The following SMS variants were observed in gnomAD, a reference collection of about 807,000 sequenced individuals.
SMS encodes the protein spermine synthase, also known as spermidine aminopropyltransferase.
A neutral mutation model predicts 33.0 loss-of-function variants in SMS; 3 were observed. The ratio of observed to expected loss-of-function variants is 0.09; its 90% CI spans 0.04 to 0.23. SMS has a LOEUF of 0.23. Ranked by LOEUF, SMS falls within the 10% of genes least tolerant of loss-of-function variation. SMS has a pLI of 1.00. For synonymous variants in SMS, 103 were observed against 112.2 expected (o/e 0.92, Z 0.52); for missense variants, 117 against 288.6 (o/e 0.41, Z 4.31).
At chrX:21,959,923 G>A (rs1345450883) in intron 1 of SMS, 5 of 752,941 alleles carry the variant, frequency 6.6e-6, no homozygotes, top group Admixed American at 1.7e-4. Context: ...TCCCTGAAAG[G>A]AGCAGGCAAG....
chrX:21,948,148 C>T (rs1453852302), intron 1 of SMS, among the ~76,000 whole-genome samples: 1 of 111,525 alleles, frequency 9.0e-6, no homozygotes, highest in Non-Finnish European at 1.9e-5. Flanking sequence ...CACAATGATT[C>T]TTTTTAGATT....
At chrX:21,976,437 T>A (rs1382508222) in intron 4 of SMS, among the ~76,000 whole-genome samples, 1 of 111,360 alleles carries the variant, frequency 9.0e-6, no homozygotes, top group Non-Finnish European at 1.9e-5. Context: ...GTGTAATATA[T>A]GTCAACCTGA....
intron 7 of SMS, among the ~76,000 whole-genome samples, chrX:21,983,133 G>A (rs905708974): frequency 2.7e-5 from 3 of 110,974 alleles, no homozygotes; most frequent in Admixed American, 9.6e-5. Context: ...TCAAACTCCC[G>A]GGCTCAAGCG....
intron 1 of SMS, among the ~76,000 whole-genome samples, chrX:21,963,460 G>A (rs1322552418): frequency 8.9e-6 from 1 of 112,550 alleles, no homozygotes; most frequent in East Asian, 2.8e-4. Context: ...TGAACTTGGC[G>A]GGTAAGCCTA....
chrX:21,940,710 G>C lies in SMS; in HGVS notation c.-115G>C, dbSNP rs899439971. 3 of 580,275 alleles carry C rather than the reference G, an allele frequency of 5.2e-6. No individual in the cohort carries two copies. The highest frequency in any genetic ancestry group is 7.8e-6 in the Non-Finnish European group (3 of 386,654). 47.8% of individuals were successfully genotyped at this position (580,275 alleles called of 1,213,427 possible). A position where few individuals can be genotyped will look rare whatever the true frequency, so the allele number is the denominator to read the frequency against. On this transcript the variant is annotated 5_prime_UTR_variant, in exon 1 of 11. Coordinates refer to ENST00000404933, the MANE Select transcript of SMS (RefSeq NM_004595.5). ...TCCCGGCGGCCCCTCCCACCTCCTA[G>C]TCCTGGCCTCCCCGGGCGCAGCACA...
chrX:21,981,680 C>T (rs888431133), intron 7 of SMS, among the ~76,000 whole-genome samples: 2 of 111,394 alleles, frequency 1.8e-5, no homozygotes, highest in Non-Finnish European at 3.8e-5. Flanking sequence ...TGTGTGATGC[C>T]GGTATAAGAA....
intron 1 of SMS, among the ~76,000 whole-genome samples, chrX:21,966,710 A>G (rs938384004): frequency 5.4e-5 from 6 of 112,009 alleles, no homozygotes; most frequent in Middle Eastern, 9.1e-3. Context: ...AAACATGGGG[A>G]AAAAAAAGCT....
chrX:21,945,634 T>TCCCC (rs376720187), intron 1 of SMS, among the ~76,000 whole-genome samples: 10 of 34,152 alleles, frequency 2.9e-4, no homozygotes, highest in East Asian at 1.3e-3. Context: ...TTGCTTCCCG[T>TCCCC]CCCCCCCCCC....
chrX:21,970,625 G>C (rs1316722317), intron 2 of SMS, among the ~76,000 whole-genome samples: 2 of 110,252 alleles, frequency 1.8e-5, no homozygotes, highest in Non-Finnish European at 3.8e-5. Context: ...CTGGAGTGCA[G>C]TGGTGCGATC....
At chrX:21,980,715 A>T (rs1285907121) in intron 7 of SMS, among the ~76,000 whole-genome samples, 1 of 110,854 alleles carries the variant, frequency 9.0e-6, no homozygotes, top group Admixed American at 9.7e-5. Context: ...AGATGAAAAC[A>T]GTATAAATCT....
chrX:21,966,464 A>G (rs1923728756), intron 1 of SMS, among the ~76,000 whole-genome samples: 1 of 111,475 alleles, frequency 9.0e-6, no homozygotes, highest in African/African-American at 3.3e-5. Context: ...GAACCTGCGG[A>G]GGTTAATGTA....
chrX:21,984,615 T>A (rs1459712693), intron 8 of SMS, among the ~76,000 whole-genome samples, 197 bp downstream of exon 8: 1 of 111,927 alleles, frequency 8.9e-6, no homozygotes, highest in Non-Finnish European at 1.9e-5. Flanking sequence ...ATTCAGTCAT[T>A]TGAAACAAAA....
intron 9 of SMS, among the ~76,000 whole-genome samples, chrX:21,988,058 A>G (rs1487975954): frequency 1.8e-5 from 2 of 112,486 alleles, no homozygotes; most frequent in East Asian, 5.6e-4. Context: ...AGAATTGTCC[A>G]AAAGACATAT....
chrX:21,972,103 C>G (rs973105207), intron 3 of SMS, 113 bp downstream of exon 3: 4 of 565,178 alleles, frequency 7.1e-6, no homozygotes, highest in African/African-American at 6.8e-5. Context: ...TTAAACTTTC[C>G]TCCCTCCACA....
chrX:21,991,903 G>C (rs1029737211), intron 9 of SMS, among the ~76,000 whole-genome samples: 1 of 111,531 alleles, frequency 9.0e-6, no homozygotes, highest in African/African-American at 3.3e-5. Context: ...CTCTTTCTTT[G>C]TTCAGAATCA....
intron 7 of SMS, 38 bp from the exon 8 acceptor site, chrX:21,984,266 A>G (rs776978955): frequency 2.4e-5 from 20 of 839,190 alleles, no homozygotes; most frequent in Non-Finnish European, 3.4e-5. Context: ...CTACATCCAC[A>G]TGTTGGCTCA....
rs1457674309 is a variant in SMS at position 21,940,797 on chromosome X, C to T, written c.-28C>T. ...CCCCAGTCTCCCGCGGCTGCTCCCC[C>T]AGGCATGGCACAGGGCCTCGCCTCA... On this transcript the variant is annotated 5_prime_UTR_variant, in exon 1 of 11. Transcript: ENST00000404933. 7.3e-6 allele frequency: 8 copies of T among 1,098,057 alleles called. No individual in the cohort carries two copies. Among genetic ancestry groups the T allele is most frequent in the Non-Finnish European group, 9.6e-6 (8 of 836,275 alleles). The allele number at this position is 1,098,057 out of a possible 1,213,427, so 90.5% of individuals were successfully genotyped here.
chrX:21,983,839 G>A (rs1254284943), intron 7 of SMS, among the ~76,000 whole-genome samples: 5 of 111,076 alleles, frequency 4.5e-5, no homozygotes, highest in Non-Finnish European at 9.4e-5. Flanking sequence ...CCTGGGCAAC[G>A]TAGTGAGACC....
At chrX:21,941,415 G>C (rs1921764791) in intron 1 of SMS, 1 of 196,337 alleles carries the variant, frequency 5.1e-6, no homozygotes, top group Non-Finnish European at 9.5e-6. Context: ...AGGGAGCTGG[G>C]GCTGGGGAAA....
Sources: allele counts gnomAD v4.1 joint callset (sites outside exome capture counted in the v4.1 genomes callset), GRCh38; gene constraint gnomAD v4.1.1; transcripts MANE v1.5; gene names NCBI Gene and HGNC (gene_info 2026-07-23, HGNC 2026-07-21).